The following ITSN1 variants were observed in gnomAD, a reference collection of about 807,000 sequenced individuals.
ITSN1 encodes the protein intersectin 1.
ITSN1 carries 58 observed loss-of-function variants against 239.8 expected under a neutral mutation model. That is an observed-to-expected ratio of 0.24 (90% CI 0.20 to 0.30). The LOEUF (loss-of-function observed/expected upper bound fraction) is 0.30. Among genes scored for constraint, ITSN1 ranks in the 10% least tolerant of loss-of-function variants. The pLI is 1.00. For missense variants in ITSN1, 1,558 were observed against 2,103.3 expected (o/e 0.74, Z 5.07); for synonymous variants, 780 against 770.8 (o/e 1.01, Z -0.20).
intron 21 of ITSN1, among the ~76,000 whole-genome samples, chr21:33,812,436 G>A (rs574610589): frequency 7.9e-5 from 12 of 152,202 alleles, no homozygotes; most frequent in Non-Finnish European, 1.2e-4. Context: ...TTATAAGGAT[G>A]TAAAAAGTAA....
intron 33 of ITSN1, among the ~76,000 whole-genome samples, chr21:33,874,221 G>A (rs1246228619): frequency 1.3e-5 from 2 of 151,438 alleles, no homozygotes; most frequent in South Asian, 2.1e-4. Flanking sequence ...GGTCTGTGGT[G>A]GGGCAGGGAT....
At chr21:33,883,735 C>T (rs759636066) in intron 36 of ITSN1, 64 bp downstream of exon 36, 24 of 1,569,638 alleles carry the variant, frequency 1.5e-5, no homozygotes, top group South Asian at 9.0e-5. Flanking sequence ...ACACAAGGGG[C>T]GGGTGATTAA....
At chr21:33,717,444 G>A (rs777985065) in intron 1 of ITSN1, among the ~76,000 whole-genome samples, 4 of 152,192 alleles carry the variant, frequency 2.6e-5, no homozygotes, top group South Asian at 2.1e-4. Context: ...TGATCTGCCC[G>A]ACTCAGCCTC....
rs76948581 is a variant in ITSN1, at chr21:33,888,621, T to C, written c.*321T>C. 4,702 of 221,414 alleles carry C rather than the reference T, an allele frequency of 0.021. 73 individuals are homozygous for C. Among genetic ancestry groups the C allele is most frequent in the Non-Finnish European group, 0.031 (3,452 of 113,136 alleles). The allele number at this position is 221,414 out of a possible 1,614,324, so 13.7% of individuals were successfully genotyped here. On this transcript the variant is annotated 3_prime_UTR_variant, in exon 40 of 40. Coordinates refer to ENST00000381318, the MANE Select transcript of ITSN1 (RefSeq NM_003024.3). ...CTAGCCCCTTCCCGGGCTTGAGGGA[T>C]GGGTCTGGTTACTATAAAATAGATT... is the stretch of plus-strand genomic sequence containing the variant.
chr21:33,886,376 T>G lies in ITSN1; in HGVS notation c.4933T>G (p.Ser1645Ala). ...GGACACTCTGAACCCCAAGTGGAATTCCAACTGCCAGTTCTTCATCCGAGA... is the reference window on the plus strand; with the variant it reads ...GGACACTCTGAACCCCAAGTGGAATGCCAACTGCCAGTTCTTCATCCGAGA... ...IQDTLNPKWN[S>A]NCQFFIRDLE... is the part of the protein sequence containing the mutation. The change falls in exon 39 of 40, where the codon TCC (serine) becomes GCC (alanine). Residue 1645 changes from serine (S) to alanine (A), a missense_variant. This residue lies in a region of ITSN1 where 576 missense variants were observed against 893.3 expected (regional missense o/e 0.64). Transcript: ENST00000381318. 6.2e-7 allele frequency: 1 copy of G among 1,613,854 alleles called. No homozygotes were observed. The highest frequency in any genetic ancestry group is 8.5e-7 in the Non-Finnish European group (1 of 1,179,936).
intron 29 of ITSN1, among the ~76,000 whole-genome samples, chr21:33,841,862 G>C (rs1012593393): frequency 6.6e-6 from 1 of 152,008 alleles, no homozygotes; most frequent in African/African-American, 2.4e-5. Context: ...TGGTAGGATA[G>C]GGAGACGTAG....
chr21:33,772,660 C>G (rs117113020), intron 12 of ITSN1, among the ~76,000 whole-genome samples: 2,265 of 152,268 alleles, frequency 0.015, 29 homozygotes, highest in Middle Eastern at 0.031. Context: ...ATAATGTTTT[C>G]AAGGTTCATC....
At chr21:33,785,948 T>TA (rs1220576014) in intron 16 of ITSN1, among the ~76,000 whole-genome samples, 2 of 152,220 alleles carry the variant, frequency 1.3e-5, no homozygotes, top group African/African-American at 4.8e-5. Flanking sequence ...ACAGGAATCT[T>TA]ACTGTAGCAA....
At chr21:33,812,957 G>A (rs1197105135) in intron 21 of ITSN1, among the ~76,000 whole-genome samples, 1 of 152,064 alleles carries the variant, frequency 6.6e-6, no homozygotes, top group African/African-American at 2.4e-5. Flanking sequence ...GTGTTGAGAA[G>A]CTCCAGCTCC....
intron 2 of ITSN1, among the ~76,000 whole-genome samples, chr21:33,720,780 T>C (rs1054343733): frequency 3.9e-5 from 6 of 152,162 alleles, no homozygotes; most frequent in African/African-American, 1.2e-4. Context: ...ACACTCACCT[T>C]CTTCTTTCAT....
At chr21:33,767,672 GCT>G (rs1412555121) in intron 10 of ITSN1, 39 bp from the exon 11 acceptor site, 1 of 1,166,784 alleles carries the variant, frequency 8.6e-7, no homozygotes, top group Admixed American at 1.8e-5. Context: ...CACCCAGACA[GCT>G]CTGTGTGAAT....
chr21:33,898,393 G>A lies in ITSN1; in HGVS notation c.*10093G>A, dbSNP rs1986907147. ...TTCTGGATGCCCATGTTTCCATGGA[G>A]ACCCCAGGGGGAAGATGCCTTCCTC... is the stretch of plus-strand genomic sequence containing the variant. On this transcript the variant is annotated 3_prime_UTR_variant, in exon 40 of 40. Transcript: ENST00000381318. 6.6e-6 allele frequency: 1 copy of A among 152,248 alleles called. No homozygotes were observed. The highest frequency in any genetic ancestry group is 6.5e-5 in the Admixed American group (1 of 15,284). The allele number at this position is 152,248 out of a possible 1,614,324, so 9.4% of individuals were successfully genotyped here.
chr21:33,837,139 C>T, intron 29 of ITSN1: 3 of 1,424,676 alleles, frequency 2.1e-6, no homozygotes, highest in Non-Finnish European at 2.8e-6. Context: ...GAAGAACTCA[C>T]TGCAGAGCAG....
chr21:33,728,139 A>G (rs1159996309), intron 4 of ITSN1, among the ~76,000 whole-genome samples: 2 of 151,882 alleles, frequency 1.3e-5, no homozygotes, highest in Admixed American at 6.6e-5. Context: ...TAATTTTTGT[A>G]TTTTTAGTAG....
Position 33,860,732 on chromosome 21 carries a change from G to A in ITSN1, c.3890+1940G>A, listed in dbSNP as rs527567086. Reference sequence around the variant, plus strand: ...GCTCTGTGGATGATGCCTAGGTCCCGGAATAGAGACTCCGCCCAGTCCTGC... The same window carrying A: ...GCTCTGTGGATGATGCCTAGGTCCCAGAATAGAGACTCCGCCCAGTCCTGC... On this transcript the variant is annotated intron_variant, in intron 31 of 39. Coordinates refer to ENST00000381318, the MANE Select transcript of ITSN1 (RefSeq NM_003024.3). 5.9e-5 allele frequency among the ~76,000 whole-genome samples: 9 copies of A among 152,248 alleles called. No homozygotes were observed. The East Asian group carries it at 7.7e-4, about 13-fold the overall frequency.
intron 1 of ITSN1, among the ~76,000 whole-genome samples, chr21:33,717,759 G>C (rs1569011723): frequency 1.3e-5 from 2 of 151,982 alleles, no homozygotes; most frequent in Admixed American, 1.3e-4. Context: ...AGTAGAGATG[G>C]GGTTTTACCG....
intron 33 of ITSN1, among the ~76,000 whole-genome samples, chr21:33,868,316 C>G (rs924339748): frequency 2.0e-5 from 3 of 152,242 alleles, no homozygotes; most frequent in Non-Finnish European, 4.4e-5. Flanking sequence ...GCCATGCACT[C>G]GCACTCCTCA....
chr21:33,646,985 CA>C (rs978025053), intron 1 of ITSN1, among the ~76,000 whole-genome samples: 10 of 114,376 alleles, frequency 8.7e-5, no homozygotes, highest in South Asian at 2.6e-4. Context: ...GGCCCTGTCT[CA>C]AAAAAAAAAG....
intron 1 of ITSN1, 133 bp from the exon 2 acceptor site, chr21:33,718,664 A>C (rs2065308114): frequency 1.5e-6 from 1 of 664,700 alleles, no homozygotes; most frequent in Non-Finnish European, 2.7e-6. Flanking sequence ...TGAATGAATG[A>C]ATTCCTTAAT....
Sources: gnomAD v4.1 joint callset for allele counts (sites outside exome capture counted in the v4.1 genomes callset) on GRCh38, gnomAD v4.1.1 for gene constraint, gnomAD v4.1.1 regional missense constraint, MANE v1.5 for transcripts, NCBI Gene and HGNC (gene_info 2026-07-23, HGNC 2026-07-21) for gene names.